Variants in DMD observed in about 807,000 individuals in gnomAD.
DMD encodes the protein mutant dystrophin.
In DMD, 63 loss-of-function variants were observed where a neutral mutation model predicts 330.1. The observed-to-expected ratio is 0.19, with a 90% confidence interval of 0.16 to 0.24. The LOEUF is 0.24. Among genes scored for constraint, DMD ranks in the 10% least tolerant of loss-of-function variants. The probability of loss-of-function intolerance (pLI) is 1.00; values close to 1 mark genes in which losing one functional copy is unlikely to be tolerated. For synonymous variants in DMD, 1,223 were observed against 959.8 expected (o/e 1.27, Z -5.07); for missense variants, 3,344 against 2,684.1 (o/e 1.25, Z -5.43).
At chrX:31,829,531 T>C (rs1777422102) in intron 49 of DMD, among the ~76,000 whole-genome samples, 2 of 111,455 alleles carry the variant, frequency 1.8e-5, no homozygotes, top group Admixed American at 1.9e-4. Context: ...TTTTGGATAT[T>C]TAAAAAATAT....
chrX:31,937,824 A>T (rs73467937), intron 45 of DMD, among the ~76,000 whole-genome samples: 71 of 112,290 alleles, frequency 6.3e-4, no homozygotes, highest in African/African-American at 2.2e-3. Flanking sequence ...GGTAGTAATA[A>T]TAATGAGTGA....
chrX:32,691,422 G>T (rs2063274035), intron 9 of DMD, among the ~76,000 whole-genome samples: 1 of 111,020 alleles, frequency 9.0e-6, no homozygotes, highest in South Asian at 3.7e-4. Context: ...ATGAAAATAT[G>T]TTCAACATTA....
chrX:32,388,646 T>C (rs901544365), intron 32 of DMD, among the ~76,000 whole-genome samples: 1 of 111,017 alleles, frequency 9.0e-6, no homozygotes, highest in Non-Finnish European at 1.9e-5. Flanking sequence ...CTGTTTTTCA[T>C]TGATATTATG....
At chrX:31,898,619 C>G (rs916946663) in intron 47 of DMD, among the ~76,000 whole-genome samples, 2 of 111,708 alleles carry the variant, frequency 1.8e-5, no homozygotes, top group African/African-American at 3.3e-5. Flanking sequence ...AAAATCAATT[C>G]AAGATGGATT....
chrX:31,254,777 C>A (rs2049756872), intron 63 of DMD, among the ~76,000 whole-genome samples: 1 of 111,107 alleles, frequency 9.0e-6, no homozygotes, highest in African/African-American at 3.3e-5. Flanking sequence ...CAGTGGCTCA[C>A]CCTTGGGATC....
intron 62 of DMD, among the ~76,000 whole-genome samples, chrX:31,290,127 G>C (rs1162930781): frequency 9.1e-6 from 1 of 109,383 alleles, no homozygotes; most frequent in African/African-American, 3.3e-5. Context: ...AGCCATGTTG[G>C]CCAGGCTGGT....
chrX:31,717,141 G>A (rs7061865), intron 52 of DMD, among the ~76,000 whole-genome samples: 15,230 of 110,896 alleles, frequency 0.14, 892 homozygotes, highest in Admixed American at 0.31. Context: ...CATCCAATTC[G>A]TATAAAGCAC....
chrX:32,356,578 T>A (rs896089204), intron 37 of DMD, among the ~76,000 whole-genome samples: 1 of 110,546 alleles, frequency 9.0e-6, no homozygotes, highest in African/African-American at 3.3e-5. Context: ...ATGCCAGATA[T>A]ATCCTATAGC....
At chrX:32,760,562 CCAAT>C (rs1371235734) in intron 7 of DMD, among the ~76,000 whole-genome samples, 4 of 111,373 alleles carry the variant, frequency 3.6e-5, no homozygotes, top group African/African-American at 1.3e-4. Flanking sequence ...TTCCCCAGTG[CCAAT>C]CAGAGACATG....
rs72466547 is a variant in DMD at position 31,203,822 on chromosome X, C to A, written c.9807+139G>T. The A allele has an allele frequency of 3.1e-3, 1,646 of 532,486 alleles. 3 individuals carry two copies. Among genetic ancestry groups the A allele is most frequent in the Non-Finnish European group, 4.0e-3 (1,256 of 315,142 alleles). 43.9% of individuals were successfully genotyped at this position (532,486 alleles called of 1,213,427 possible). On this transcript the variant is annotated intron_variant, in intron 67 of 78. Coordinates refer to ENST00000357033, the MANE Select transcript of DMD (RefSeq NM_004006.3). ...TAGAGTTCCAGAAGCTGCTTACTTACAGAGGTTCCAAATATCCCAAATCCC... is the reference window on the plus strand; with the variant it reads ...TAGAGTTCCAGAAGCTGCTTACTTAAAGAGGTTCCAAATATCCCAAATCCC...
chrX:32,714,957 C>T (rs769766850), intron 7 of DMD, among the ~76,000 whole-genome samples: 10 of 111,245 alleles, frequency 9.0e-5, no homozygotes, highest in African/African-American at 9.8e-5. Flanking sequence ...CCTCTGACCA[C>T]GAGAAGCTAT....
chrX:32,188,897 A>C (rs897350269), intron 44 of DMD, among the ~76,000 whole-genome samples: 4 of 110,570 alleles, frequency 3.6e-5, no homozygotes, highest in African/African-American at 1.3e-4. Flanking sequence ...AATGACAATA[A>C]ATCTTAAATC....
At chrX:33,039,106 T>C (rs1423661712) in intron 1 of DMD, among the ~76,000 whole-genome samples, 2 of 112,236 alleles carry the variant, frequency 1.8e-5, no homozygotes, top group African/African-American at 6.5e-5. Flanking sequence ...TATGGGGGTT[T>C]CATATTCCCT....
rs563682977 is a variant in DMD, at chrX:32,514,537, C to G, written c.2292+3471G>C. Among the ~76,000 whole-genome samples the G allele has an allele frequency of 5.2e-4, 58 of 111,627 alleles. 1 individual carries two copies. The South Asian group carries it at 0.017, about 33-fold the overall frequency. Reference sequence around the variant, plus strand: ...CGGGCGGATCACGAGGTCAGGAGATCGAGACCATCCTGGCTAACACGGTGA... The same window carrying G: ...CGGGCGGATCACGAGGTCAGGAGATGGAGACCATCCTGGCTAACACGGTGA... On this transcript the variant is annotated intron_variant, in intron 18 of 78. Coordinates refer to ENST00000357033, the MANE Select transcript of DMD (RefSeq NM_004006.3).
At chrX:33,217,712 G>A (rs774565078) in intron 1 of DMD, among the ~76,000 whole-genome samples, 20 of 111,793 alleles carry the variant, frequency 1.8e-4, no homozygotes, top group African/African-American at 6.5e-4. Context: ...TTGTACAGCA[G>A]ATCTCTAGAA....
intron 60 of DMD, among the ~76,000 whole-genome samples, chrX:31,378,050 C>A (rs5927743): frequency 0.023 from 2,555 of 111,206 alleles, 73 homozygotes; most frequent in African/African-American, 0.079. Context: ...TATAAAACGG[C>A]CCCACCCCTG....
chrX:32,343,161 A>C lies in DMD; in HGVS notation c.5712T>G (p.Pro1904=), dbSNP rs759612679. ...DDIEKKLASL[P]EPRDERKIKE... The stretch of plus-strand genomic sequence containing the variant: ...TTATTTTCCTTTCATCTCTGGGCTC[A>C]GGTAGGCTGGCTAATTTTTTTTCAA... The change falls in exon 40 of 79, where the codon CCT becomes CCG. Residue 1904 remains proline, a synonymous_variant. Transcript: ENST00000357033. 2 of 1,211,053 alleles carry C rather than the reference A, an allele frequency of 1.7e-6. No individual in the cohort carries two copies. The highest frequency in any genetic ancestry group is 4.3e-5 in the Admixed American group (2 of 46,000).
intron 2 of DMD, among the ~76,000 whole-genome samples, chrX:32,876,143 G>T (rs2083360641): frequency 9.0e-6 from 1 of 111,066 alleles, no homozygotes; most frequent in Admixed American, 9.6e-5. Flanking sequence ...TCATAGTTTT[G>T]CTTATTTCTA....
chrX:32,101,410 T>C (rs2096539144), intron 44 of DMD, among the ~76,000 whole-genome samples: 1 of 111,558 alleles, frequency 9.0e-6, no homozygotes, highest in South Asian at 3.8e-4. Context: ...GTAGTGGGCA[T>C]AGCACGATTA....
Sources: allele counts gnomAD v4.1 joint callset (sites outside exome capture counted in the v4.1 genomes callset), GRCh38; gene constraint gnomAD v4.1.1; transcripts MANE v1.5; gene names NCBI Gene and HGNC (gene_info 2026-07-23, HGNC 2026-07-21).